CUL5: variants seen among roughly 807,000 people sequenced by gnomAD.
The protein encoded by CUL5 is cullin 5, also known as cullin-5.
CUL5 carries 26 observed loss-of-function variants against 108.8 expected under a neutral mutation model. The observed-to-expected ratio is 0.24, with a 90% CI of 0.18 to 0.33. The LOEUF (loss-of-function observed/expected upper bound fraction) is 0.33, where lower values mean the gene tolerates loss of function less well. CUL5 is among the 10% of genes least tolerant of loss of function. The pLI is 1.00. For missense variants in CUL5, 524 were observed against 909.2 expected (o/e 0.58, Z 5.45); for synonymous variants, 334 against 298.0 (o/e 1.12, Z -1.25).
At chr11:108,049,738 GTT>G (rs1216336847) in intron 3 of CUL5, 150 bp from the exon 4 acceptor site, 3 of 630,984 alleles carry the variant, frequency 4.8e-6, no homozygotes, top group Non-Finnish European at 8.0e-6. Flanking sequence ...TCGTGTACAA[GTT>G]TTTTTGTGAA....
At chr11:108,044,499 C>G (rs964302822) in intron 2 of CUL5, among the ~76,000 whole-genome samples, 1 of 125,494 alleles carries the variant, frequency 8.0e-6, no homozygotes, top group Non-Finnish European at 1.7e-5. Flanking sequence ...CAGAGTGAGA[C>G]AGTGTCTCAA....
chr11:108,017,445 C>T (rs1305725733), intron 1 of CUL5, among the ~76,000 whole-genome samples: 4 of 148,150 alleles, frequency 2.7e-5, no homozygotes, highest in Non-Finnish European at 4.5e-5. Flanking sequence ...TGACAAAGTT[C>T]TTAGACTTTG....
intron 1 of CUL5, among the ~76,000 whole-genome samples, chr11:108,020,107 C>T (rs1246625510): frequency 6.6e-6 from 1 of 152,194 alleles, no homozygotes; most frequent in Non-Finnish European, 1.5e-5. Context: ...ATTAGGCCCA[C>T]TTACAACATT....
intron 11 of CUL5, among the ~76,000 whole-genome samples, chr11:108,079,551 G>T (rs1476494263): frequency 1.3e-5 from 2 of 152,138 alleles, no homozygotes; most frequent in African/African-American, 4.8e-5. Flanking sequence ...GTAACCTTTA[G>T]TCCCTAAACA....
rs1309642346 is a variant in CUL5, at chr11:108,057,626, CTG to C, written c.780+2673_780+2674del. ...ACTAATATTCTTCAAGGTGTCAAGA[CTG>C]TAACAGACTGAAGGACAAAGGAACT... On this transcript the variant is annotated intron_variant, in intron 7 of 18. Coordinates refer to ENST00000393094, the MANE Select transcript of CUL5 (RefSeq NM_003478.6). 4.6e-5 allele frequency among the ~76,000 whole-genome samples: 7 copies of C among 152,242 alleles called. No homozygotes were observed. The South Asian group carries it at 1.2e-3, about 27-fold the overall frequency.
intron 11 of CUL5, among the ~76,000 whole-genome samples, chr11:108,082,835 C>T (rs1864127366): frequency 1.3e-5 from 2 of 151,880 alleles, no homozygotes; most frequent in South Asian, 4.2e-4. Context: ...CTGTGTTGCC[C>T]AGTCTGGTCT....
chr11:108,049,146 T>G (rs1291196205), intron 3 of CUL5, among the ~76,000 whole-genome samples: 1 of 152,180 alleles, frequency 6.6e-6, no homozygotes, highest in Non-Finnish European at 1.5e-5. Flanking sequence ...AGTCACTCCC[T>G]TCTCCCAACC....
chr11:108,076,896 A>G (rs1179915931), intron 10 of CUL5, among the ~76,000 whole-genome samples: 1 of 152,218 alleles, frequency 6.6e-6, no homozygotes, highest in African/African-American at 2.4e-5. Context: ...ACTGTAAGAG[A>G]AATAGTTTTT....
intron 1 of CUL5, among the ~76,000 whole-genome samples, chr11:108,029,054 T>C (rs975839468): frequency 6.6e-6 from 1 of 152,250 alleles, no homozygotes; most frequent in African/African-American, 2.4e-5. Context: ...CTATCTTATG[T>C]TCTTTGCATT....
At chr11:108,023,821 A>AT (rs1320126565) in intron 1 of CUL5, among the ~76,000 whole-genome samples, 3 of 152,134 alleles carry the variant, frequency 2.0e-5, no homozygotes, top group Non-Finnish European at 4.4e-5. Flanking sequence ...TTTGTTTGAA[A>AT]TTTTTTTCTT....
intron 10 of CUL5, among the ~76,000 whole-genome samples, chr11:108,077,249 T>C (rs977542320): frequency 6.6e-6 from 1 of 152,194 alleles, no homozygotes; most frequent in African/African-American, 2.4e-5. Context: ...AAAAGTACTT[T>C]CAGGAGGAGG....
At chr11:108,050,193 T>A in intron 4 of CUL5, 127 bp downstream of exon 4, 1 of 653,986 alleles carries the variant, frequency 1.5e-6, no homozygotes, top group Non-Finnish European at 2.5e-6. Flanking sequence ...TTTCAGCTCT[T>A]AACTAGATTT....
intron 7 of CUL5, among the ~76,000 whole-genome samples, chr11:108,066,806 T>G (rs1863693848): frequency 6.6e-6 from 1 of 152,214 alleles, no homozygotes; most frequent in South Asian, 2.1e-4. Flanking sequence ...TGATGCATTT[T>G]CCAGTTATTT....
intron 11 of CUL5, 53 bp downstream of exon 11, chr11:108,078,293 T>TA (rs1863989886): frequency 1.3e-5 from 14 of 1,054,556 alleles, no homozygotes; most frequent in Non-Finnish European, 2.0e-5. Context: ...TTTAGTGTAA[T>TA]AGGGGTTAAC....
intron 1 of CUL5, among the ~76,000 whole-genome samples, chr11:108,025,173 C>T (rs1226494837): frequency 2.0e-5 from 3 of 152,140 alleles, no homozygotes; most frequent in African/African-American, 7.2e-5. Flanking sequence ...CTATGATGTT[C>T]ATGCCATCCC....
chr11:108,078,339 T>C (rs1028079912), intron 11 of CUL5, 99 bp downstream of exon 11: 1 of 541,554 alleles, frequency 1.8e-6, no homozygotes, highest in African/African-American at 2.0e-5. Flanking sequence ...TTTATTTTTG[T>C]TATTGTTAGT....
intron 13 of CUL5, among the ~76,000 whole-genome samples, chr11:108,092,929 G>A (rs557016790): frequency 1.3e-5 from 2 of 152,214 alleles, no homozygotes; most frequent in South Asian, 2.1e-4. Context: ...CGATTTTCCT[G>A]CCTCAGCCTC....
chr11:108,048,323 ATTTG>A (rs1863117064), intron 3 of CUL5, among the ~76,000 whole-genome samples: 1 of 151,976 alleles, frequency 6.6e-6, no homozygotes, highest in Admixed American at 6.6e-5. Context: ...CAACTGTTTT[ATTTG>A]TTCACAATTC....
At chr11:108,028,534 G>A (rs1241157160) in intron 1 of CUL5, among the ~76,000 whole-genome samples, 1 of 152,126 alleles carries the variant, frequency 6.6e-6, no homozygotes, top group Non-Finnish European at 1.5e-5. Flanking sequence ...ATTTTAAAAT[G>A]TAAATAAGAT....
Sources: allele counts gnomAD v4.1 joint callset (sites outside exome capture counted in the v4.1 genomes callset), GRCh38; gene constraint gnomAD v4.1.1; transcripts MANE v1.5; gene names NCBI Gene and HGNC (gene_info 2026-07-23, HGNC 2026-07-21).